The following OSBPL1A variants were observed in gnomAD, a reference collection of about 807,000 sequenced individuals.
OSBPL1A encodes oxysterol binding protein like 1A.
OSBPL1A carries 80 observed loss-of-function variants against 137.1 expected under a neutral mutation model. That is an observed-to-expected ratio of 0.58 (90% CI 0.49 to 0.70). OSBPL1A has a LOEUF of 0.70. OSBPL1A is among the 30% of genes least tolerant of loss of function. The pLI is 0.00. For synonymous variants in OSBPL1A, 365 were observed against 389.7 expected, an observed-to-expected ratio of 0.94 and a Z score of 0.75; for missense variants, 970 against 1,129.4, an observed-to-expected ratio of 0.86 and a Z score of 2.02.
At chr18:24,185,569 T>G (rs979564038) in intron 18 of OSBPL1A, among the ~76,000 whole-genome samples, 2 of 152,016 alleles carry the variant, frequency 1.3e-5, no homozygotes, top group Non-Finnish European at 2.9e-5. Context: ...TCCGCCCACC[T>G]CGGCCTCCCA....
intron 14 of OSBPL1A, among the ~76,000 whole-genome samples, chr18:24,283,281 A>AATATATAT (rs869287828): frequency 2.7e-4 from 21 of 78,364 alleles, no homozygotes; most frequent in African/African-American, 4.7e-4. Flanking sequence ...AAAAAAAAAA[A>AATATATAT]ATATATATAT....
At chr18:24,255,756 A>ATT (rs536171928) in intron 15 of OSBPL1A, among the ~76,000 whole-genome samples, 4 of 138,118 alleles carry the variant, frequency 2.9e-5, no homozygotes, top group Admixed American at 1.4e-4. Context: ...AAACTTTCTA[A>ATT]TTTTTTTTTT....
intron 15 of OSBPL1A, among the ~76,000 whole-genome samples, chr18:24,242,419 G>A (rs1294158094): frequency 6.6e-6 from 1 of 151,530 alleles, no homozygotes; most frequent in African/African-American, 2.4e-5. Context: ...TTTCCATCTT[G>A]AGGTTTTGGG....
intron 4 of OSBPL1A, among the ~76,000 whole-genome samples, chr18:24,350,343 A>AG (rs2091417643): frequency 6.6e-6 from 1 of 152,226 alleles, no homozygotes. Flanking sequence ...AAGAAATCTG[A>AG]GTATTTGAGT....
chr18:24,166,666 C>A lies in OSBPL1A; in HGVS notation c.2572G>T (p.Glu858Ter). The A allele has an allele frequency of 6.2e-7, 1 of 1,611,278 alleles. No homozygotes were observed. The highest frequency in any genetic ancestry group is 8.5e-7 in the Non-Finnish European group (1 of 1,179,310). The change falls in exon 26 of 28, where the codon GAA becomes TAA. Residue 858 changes from glutamate (E) to a stop codon, truncating the protein, a stop_gained. Transcript: ENST00000319481. LOFTEE classifies it high-confidence loss of function. The part of the protein sequence containing the change: ...NFTSFAMVLN[E>*]VDKDMESVIP... ...ACACTCTCCATGTCTTTGTCTACTT[C>A]ATTCAAAACCATTGCAAAACTAGTA...
intron 18 of OSBPL1A, among the ~76,000 whole-genome samples, chr18:24,195,403 C>T (rs1214380023): frequency 6.6e-6 from 1 of 152,206 alleles, no homozygotes. Flanking sequence ...ATGAAGTGTG[C>T]ATGAGGTGAC....
At chr18:24,358,867 AC>A (rs1314974659) in intron 4 of OSBPL1A, among the ~76,000 whole-genome samples, 1 of 151,552 alleles carries the variant, frequency 6.6e-6, no homozygotes, top group Non-Finnish European at 1.5e-5. Flanking sequence ...TGCCTCAGCC[AC>A]CAGAGTAGCT....
At chr18:24,392,357 C>T (rs1422701667) in intron 1 of OSBPL1A, among the ~76,000 whole-genome samples, 1 of 150,310 alleles carries the variant, frequency 6.7e-6, no homozygotes, top group Admixed American at 6.6e-5. Flanking sequence ...TGGGGTTTCT[C>T]CATGTTGGTC....
intron 15 of OSBPL1A, among the ~76,000 whole-genome samples, chr18:24,274,191 G>A (rs2146063029): frequency 6.9e-6 from 1 of 145,454 alleles, no homozygotes; most frequent in Non-Finnish European, 1.5e-5. Context: ...CCAAGACTGT[G>A]TCGCTGTACT....
intron 15 of OSBPL1A, among the ~76,000 whole-genome samples, chr18:24,244,690 C>T (rs1164959202): frequency 6.6e-6 from 1 of 152,220 alleles, no homozygotes; most frequent in East Asian, 1.9e-4. Context: ...CACTCCCTTT[C>T]AGGCCAGAAG....
chr18:24,335,786 G>A (rs1012217767), intron 5 of OSBPL1A, among the ~76,000 whole-genome samples: 3 of 152,166 alleles, frequency 2.0e-5, no homozygotes, highest in South Asian at 2.1e-4. Context: ...GACTCTACAC[G>A]TACCATTGCA....
chr18:24,239,978 T>A (rs542416125), intron 15 of OSBPL1A, among the ~76,000 whole-genome samples: 13 of 139,840 alleles, frequency 9.3e-5, no homozygotes, highest in Non-Finnish European at 1.7e-4. Flanking sequence ...TAAGCTGGAG[T>A]GCAGTGGTGC....
chr18:24,337,509 T>C (rs1424106059), intron 5 of OSBPL1A, among the ~76,000 whole-genome samples: 1 of 150,036 alleles, frequency 6.7e-6, no homozygotes, highest in Non-Finnish European at 1.5e-5. Flanking sequence ...AATGCAAGGC[T>C]TCAGTGAGCT....
chr18:24,310,637 A>G (rs866626176), intron 13 of OSBPL1A, among the ~76,000 whole-genome samples: 2 of 151,318 alleles, frequency 1.3e-5, no homozygotes, highest in Non-Finnish European at 2.9e-5. Flanking sequence ...AAAAAAAAGA[A>G]GAAATATTTT....
intron 18 of OSBPL1A, among the ~76,000 whole-genome samples, chr18:24,194,567 C>T (rs1040539717): frequency 3.3e-5 from 5 of 152,178 alleles, no homozygotes; most frequent in African/African-American, 7.2e-5. Flanking sequence ...TGTCTATATA[C>T]ATTTGCTTTG....
chr18:24,205,390 C>T (rs965454161), intron 17 of OSBPL1A, among the ~76,000 whole-genome samples: 2 of 152,182 alleles, frequency 1.3e-5, no homozygotes, highest in Non-Finnish European at 2.9e-5. Flanking sequence ...GATCTATAGA[C>T]TCAATTTAAT....
intron 14 of OSBPL1A, among the ~76,000 whole-genome samples, chr18:24,298,627 G>A (rs2090340002): frequency 6.6e-6 from 1 of 152,248 alleles, no homozygotes; most frequent in Admixed American, 6.5e-5. Flanking sequence ...TTACAGGCAT[G>A]AGCCACCGCG....
intron 4 of OSBPL1A, chr18:24,357,189 T>C (rs1043305222): frequency 6.6e-6 from 1 of 152,126 alleles, no homozygotes; most frequent in African/African-American, 2.4e-5. Context: ...CATCTTTCTC[T>C]GAAGATGATT....
At chr18:24,372,993 G>A (rs914014249) in intron 2 of OSBPL1A, among the ~76,000 whole-genome samples, 1 of 152,158 alleles carries the variant, frequency 6.6e-6, no homozygotes, top group African/African-American at 2.4e-5. Flanking sequence ...GAACCCAAGA[G>A]GAGGTGGAGG....
Sources: allele counts gnomAD v4.1 joint callset (sites outside exome capture counted in the v4.1 genomes callset), GRCh38; gene constraint gnomAD v4.1.1; transcripts MANE v1.5; gene names NCBI Gene and HGNC (gene_info 2026-07-23, HGNC 2026-07-21).